The following ASIC2 variants were observed in gnomAD, a reference collection of about 807,000 sequenced individuals.
ASIC2 encodes the protein acid-sensing ion channel 2.
A neutral mutation model predicts 57.3 loss-of-function variants in ASIC2; 25 were observed. The observed-to-expected ratio is 0.44, with a 90% CI of 0.32 to 0.61. ASIC2 has a LOEUF of 0.61. Ranked by LOEUF, ASIC2 falls within the 20% of genes least tolerant of loss-of-function variation. The probability of loss-of-function intolerance (pLI) is 0.06; values close to 1 mark genes in which losing one functional copy is unlikely to be tolerated. For synonymous variants in ASIC2, 319 were observed against 307.5 expected, an observed-to-expected ratio of 1.04 and a Z score of -0.39; for missense variants, 641 against 738.1, an observed-to-expected ratio of 0.87 and a Z score of 1.52.
intron 1 of ASIC2, among the ~76,000 whole-genome samples, chr17:33,277,327 G>A (rs1464674255): frequency 1.3e-5 from 2 of 152,142 alleles, no homozygotes; most frequent in African/African-American, 4.8e-5. Flanking sequence ...ATGAGTCAGG[G>A]AAGTTCTGGA....
At chr17:33,827,517 T>TC in intron 1 of ASIC2, among the ~76,000 whole-genome samples, 1 of 149,050 alleles carries the variant, frequency 6.7e-6, no homozygotes, top group South Asian at 2.1e-4. Flanking sequence ...TTTTTTTTTT[T>TC]GTATTTTTAG....
intron 1 of ASIC2, among the ~76,000 whole-genome samples, chr17:34,114,920 A>G (rs1911383445): frequency 2.6e-5 from 4 of 152,196 alleles, no homozygotes; most frequent in Admixed American, 2.6e-4. Context: ...CTCTGACTGT[A>G]TAGCCCAGGG....
chr17:33,291,327 C>G, intron 1 of ASIC2, 81 bp downstream of exon 1: 1 of 1,494,752 alleles, frequency 6.7e-7, no homozygotes, highest in South Asian at 1.3e-5. Flanking sequence ...GGGGACAGCC[C>G]CGAGGGGGCG....
intron 3 of ASIC2, among the ~76,000 whole-genome samples, chr17:33,031,322 CT>C (rs2091882577): frequency 6.6e-6 from 1 of 151,956 alleles, no homozygotes; most frequent in Non-Finnish European, 1.5e-5. Context: ...ATGTAATATT[CT>C]TATCATTTTT....
chr17:33,822,568 A>G (rs370388722), intron 1 of ASIC2, among the ~76,000 whole-genome samples: 4 of 152,314 alleles, frequency 2.6e-5, no homozygotes, highest in African/African-American at 7.2e-5. Context: ...CCCAGCTTCA[A>G]TGTTATTCCT....
At chr17:33,347,266 T>C (rs1386882991) in intron 1 of ASIC2, among the ~76,000 whole-genome samples, 1 of 152,172 alleles carries the variant, frequency 6.6e-6, no homozygotes, top group Non-Finnish European at 1.5e-5. Context: ...TATGGAAATC[T>C]TAGAGAGTGT....
At chr17:33,628,431 A>C (rs1283562164) in intron 1 of ASIC2, among the ~76,000 whole-genome samples, 4 of 152,020 alleles carry the variant, frequency 2.6e-5, no homozygotes, top group African/African-American at 9.6e-5. Context: ...AGCTAGGACT[A>C]CAGGTGCATG....
At chr17:34,102,935 C>T (rs1910917789) in intron 1 of ASIC2, among the ~76,000 whole-genome samples, 1 of 152,182 alleles carries the variant, frequency 6.6e-6, no homozygotes, top group African/African-American at 2.4e-5. Flanking sequence ...ACATACTCCC[C>T]AACCATTGTT....
chr17:33,385,995 C>T (rs1020495525), intron 1 of ASIC2, among the ~76,000 whole-genome samples: 2 of 152,220 alleles, frequency 1.3e-5, no homozygotes, highest in Non-Finnish European at 2.9e-5. Flanking sequence ...ACCTACCTCT[C>T]TACCTTGGCA....
chr17:34,154,976 G>C (rs1475221610), intron 1 of ASIC2, among the ~76,000 whole-genome samples: 1 of 152,132 alleles, frequency 6.6e-6, no homozygotes, highest in African/African-American at 2.4e-5. Flanking sequence ...AACCCTGGCA[G>C]CAACAGTGCT....
chr17:33,251,221 TG>T (rs1908869783), intron 1 of ASIC2, among the ~76,000 whole-genome samples: 1 of 152,240 alleles, frequency 6.6e-6, no homozygotes, highest in South Asian at 2.1e-4. Context: ...TTTCATGAAG[TG>T]GGTTCTAGGT....
intron 1 of ASIC2, among the ~76,000 whole-genome samples, chr17:34,013,780 TC>T (rs1486484845): frequency 6.6e-6 from 1 of 152,202 alleles, no homozygotes; most frequent in East Asian, 1.9e-4. Flanking sequence ...TTACCTGGTT[TC>T]CTTGTCCTAC....
At chr17:33,051,684 G>A (rs2091977144) in intron 3 of ASIC2, among the ~76,000 whole-genome samples, 1 of 152,104 alleles carries the variant, frequency 6.6e-6, no homozygotes, top group Non-Finnish European at 1.5e-5. Context: ...GTGTGAAATA[G>A]GAATACCATT....
intron 1 of ASIC2, among the ~76,000 whole-genome samples, chr17:33,558,970 G>A (rs1371624092): frequency 2.0e-5 from 3 of 152,168 alleles, no homozygotes; most frequent in East Asian, 1.9e-4. Flanking sequence ...GTTTCACCAT[G>A]TTGGTCAGGC....
chr17:33,048,794 C>T (rs943358563), intron 3 of ASIC2, among the ~76,000 whole-genome samples: 8 of 152,258 alleles, frequency 5.3e-5, no homozygotes, highest in South Asian at 2.1e-4. Flanking sequence ...GTCCCTGGTA[C>T]GGGGGTCTCC....
At chr17:33,505,725 G>C (rs937006173) in intron 1 of ASIC2, among the ~76,000 whole-genome samples, 1 of 152,142 alleles carries the variant, frequency 6.6e-6, no homozygotes, top group Non-Finnish European at 1.5e-5. Flanking sequence ...AGCACATCCC[G>C]ATCTCTCTGC....
At chr17:33,598,682 C>A (rs1179834019) in intron 1 of ASIC2, among the ~76,000 whole-genome samples, 1 of 152,196 alleles carries the variant, frequency 6.6e-6, no homozygotes, top group Non-Finnish European at 1.5e-5. Context: ...GACTTTGCAT[C>A]TTTTCTTGCA....
chr17:33,868,145 T>C (rs1052480612), intron 1 of ASIC2, among the ~76,000 whole-genome samples: 6 of 152,130 alleles, frequency 3.9e-5, no homozygotes, highest in African/African-American at 1.4e-4. Context: ...TTTATTTATG[T>C]GCCCAAAAAC....
At chr17:33,830,728 C>A (rs181273901) in intron 1 of ASIC2, among the ~76,000 whole-genome samples, 7 of 151,950 alleles carry the variant, frequency 4.6e-5, no homozygotes, top group African/African-American at 1.5e-4. Context: ...CCCTACCCTC[C>A]GACAGGTCCC....
Sources: allele counts gnomAD v4.1 joint callset (sites outside exome capture counted in the v4.1 genomes callset), GRCh38; gene constraint gnomAD v4.1.1; transcripts MANE v1.5; gene names NCBI Gene and HGNC (gene_info 2026-07-23, HGNC 2026-07-21).